The following EML6 variants were observed in gnomAD, a reference collection of about 807,000 sequenced individuals.
The protein encoded by EML6 is EMAP like 6.
A neutral mutation model predicts 240.1 loss-of-function variants in EML6; 154 were observed. The ratio of observed to expected loss-of-function variants is 0.64; its 90% confidence interval spans 0.56 to 0.73. EML6 has a LOEUF of 0.73. Ranked by LOEUF, EML6 falls within the 30% of genes least tolerant of loss-of-function variation. The pLI, the probability that EML6 is intolerant of heterozygous loss-of-function variation, is 0.00. For missense variants in EML6, 2,964 were observed against 2,474.6 expected (o/e 1.20, Z -4.20); for synonymous variants, 1,148 against 899.0 (o/e 1.28, Z -4.95).
At position 54,885,970 on chromosome 2, in the gene EML6, C is replaced by T. The variant is rs544815594; in HGVS notation, c.2439-5084C>T. On this transcript the variant is annotated intron_variant, in intron 17 of 41. Coordinates refer to ENST00000356458, the MANE Select transcript of EML6 (RefSeq NM_001039753.4). ...ATTCCATCTCTTCCTTGCCTCTCAT[C>T]GTAGGGTTCACATTCATGTAGCCAT... Among the ~76,000 whole-genome samples the T allele has an allele frequency of 7.5e-4, 114 of 152,120 alleles. No homozygotes were observed. In the Middle Eastern group the frequency reaches 0.017, roughly 23 times the overall value.
chr2:54,786,720 A>G (rs1669115365), intron 2 of EML6, among the ~76,000 whole-genome samples: 1 of 152,232 alleles, frequency 6.6e-6, no homozygotes. Context: ...AATAATTCCC[A>G]GATGCTCGAG....
chr2:54,760,306 G>C (rs1572865823), intron 2 of EML6, among the ~76,000 whole-genome samples: 2 of 151,398 alleles, frequency 1.3e-5, no homozygotes, highest in African/African-American at 4.9e-5. Flanking sequence ...CTATGAGTTT[G>C]GTATATATTT....
intron 36 of EML6, 106 bp downstream of exon 36, chr2:54,962,817 G>A (rs374329750): frequency 1.2e-6 from 1 of 869,222 alleles, no homozygotes; most frequent in Non-Finnish European, 1.6e-6. Context: ...ACGGGGATGG[G>A]GCCAGGTAGG....
chr2:54,895,589 T>G (rs749611281), intron 21 of EML6, among the ~76,000 whole-genome samples, 189 bp downstream of exon 21: 6 of 152,260 alleles, frequency 3.9e-5, no homozygotes, highest in Non-Finnish European at 8.8e-5. Flanking sequence ...CACACATTTA[T>G]TTTCTCACAG....
chr2:54,817,306 C>T (rs1005392641), intron 4 of EML6, among the ~76,000 whole-genome samples: 1 of 152,186 alleles, frequency 6.6e-6, no homozygotes, highest in African/African-American at 2.4e-5. Flanking sequence ...TATTTGAGAA[C>T]ATAGAATGTG....
chr2:54,782,258 C>T (rs1668886888), intron 2 of EML6, among the ~76,000 whole-genome samples: 2 of 152,010 alleles, frequency 1.3e-5, no homozygotes, highest in East Asian at 1.9e-4. Flanking sequence ...TGATATTTCC[C>T]TAATAGTAAA....
intron 22 of EML6, among the ~76,000 whole-genome samples, chr2:54,902,778 T>A (rs1673127404): frequency 6.6e-6 from 1 of 152,214 alleles, no homozygotes; most frequent in Non-Finnish European, 1.5e-5. Context: ...CTACGGAATG[T>A]GGCCCAGACT....
chr2:54,960,617 C>T (rs776886821), intron 35 of EML6, among the ~76,000 whole-genome samples: 16 of 152,110 alleles, frequency 1.1e-4, no homozygotes, highest in Non-Finnish European at 1.2e-4. Flanking sequence ...TGCCTTTCAT[C>T]TTACCTGGCA....
intron 24 of EML6, among the ~76,000 whole-genome samples, chr2:54,906,830 C>T (rs1300925903): frequency 6.6e-6 from 1 of 152,218 alleles, no homozygotes; most frequent in African/African-American, 2.4e-5. Context: ...GCCATGCTGC[C>T]TCAAGACCAG....
In EML6 at chr2:54,871,510, A is replaced by G. The variant is rs750274165; in HGVS notation, c.2249A>G (p.Asp750Gly). 2 of 1,551,156 alleles carry G rather than the reference A, an allele frequency of 1.3e-6. No homozygotes were observed. Among genetic ancestry groups the G allele is most frequent in the South Asian group, 1.2e-5 (1 of 84,044 alleles). ...DYVATGQVGR[D>G]AAIHVWDTQT... ...ATTCTGTTATTTAAGGTTGGAAGAG[A>G]TGCTGCTATTCATGTGTGGGACACA... The change falls in exon 16 of 42, where the codon GAT (aspartate) becomes GGT (glycine). Residue 750 changes from aspartate to glycine, a missense_variant. By Grantham distance (94) the Asp-to-Gly change is moderately conservative. Coordinates refer to ENST00000356458, the MANE Select transcript of EML6 (RefSeq NM_001039753.4).
chr2:54,894,151 C>A (rs1672633615), intron 19 of EML6, among the ~76,000 whole-genome samples: 2 of 149,848 alleles, frequency 1.3e-5, no homozygotes, highest in African/African-American at 4.9e-5. Context: ...CATAAAAATG[C>A]ATTAAATTAA....
At chr2:54,834,542 C>T (rs556356989) in intron 7 of EML6, among the ~76,000 whole-genome samples, 3 of 152,184 alleles carry the variant, frequency 2.0e-5, no homozygotes, top group East Asian at 1.9e-4. Flanking sequence ...GTGCCAGATA[C>T]GTGCCTAGGA....
At chr2:54,878,684 G>C (rs1391812388) in intron 16 of EML6, among the ~76,000 whole-genome samples, 1 of 152,128 alleles carries the variant, frequency 6.6e-6, no homozygotes, top group East Asian at 1.9e-4. Context: ...AAGCAGACAA[G>C]CGATGTGAAA....
rs929698985 is a variant in EML6, at chr2:54,960,392, C to A, written c.4968+58C>A. On this transcript the variant is annotated intron_variant, in intron 35 of 41. Transcript: ENST00000356458. ...CAGGGAAGGGGGAAGTGTAGGTACC[C>A]TCCCAGCCGGCACTTTCTCTGGGCT... 3.9e-5 allele frequency: 51 copies of A among 1,295,022 alleles called. 2 individuals are homozygous for A. The South Asian group carries it at 6.1e-4, about 15-fold the overall frequency. 80.2% of individuals were successfully genotyped at this position (1,295,022 alleles called of 1,614,324 possible). A position where few individuals can be genotyped will look rare whatever the true frequency, so the allele number is the denominator to read the frequency against.
chr2:54,821,685 TAAA>T (rs1174202552), intron 5 of EML6, among the ~76,000 whole-genome samples: 2 of 151,890 alleles, frequency 1.3e-5, no homozygotes, highest in Non-Finnish European at 2.9e-5. Flanking sequence ...TACAAAGAAA[TAAA>T]AAAAGCTGAA....
chr2:54,782,214 T>C lies in EML6; in HGVS notation c.198-31018T>C, dbSNP rs372319345. ...TGTACGTATGTTAAATTTTACTTCA[T>C]TGTTAATCTTCTTTGTTGATTAGTT... On this transcript the variant is annotated intron_variant, in intron 2 of 41. Transcript: ENST00000356458. Among the ~76,000 whole-genome samples, 168 of 152,354 alleles carry C rather than the reference T, an allele frequency of 1.1e-3. 6 individuals are homozygous for C. The South Asian group carries it at 0.032, about 29-fold the overall frequency.
At chr2:54,952,451 G>C in intron 30 of EML6, 143 bp from the exon 31 acceptor site, 1 of 574,304 alleles carries the variant, frequency 1.7e-6, no homozygotes, top group Non-Finnish European at 3.1e-6. Flanking sequence ...ATCTCCCCAA[G>C]TGTGATTCTG....
At chr2:54,902,089 C>T (rs531472699) in intron 22 of EML6, among the ~76,000 whole-genome samples, 9 of 152,202 alleles carry the variant, frequency 5.9e-5, no homozygotes, top group South Asian at 2.1e-4. Flanking sequence ...CATTACAATC[C>T]GTGGATCAGA....
chr2:54,928,303 G>A lies in EML6; in HGVS notation c.3676-10G>A. 1 of 1,551,030 alleles carries A rather than the reference G, an allele frequency of 6.4e-7. No homozygotes were observed. Among genetic ancestry groups the A allele is most frequent in the East Asian group, 2.4e-5 (1 of 40,908 alleles). ...GTGGCTGGGGTAATAACCAATTTCG[G>A]GCTTTACAGGGACAGCACGCAAGAT... On this transcript the variant is annotated splice_polypyrimidine_tract_variant and intron_variant, in intron 26 of 41. Transcript: ENST00000356458.
Sources: gnomAD v4.1 joint callset for allele counts (sites outside exome capture counted in the v4.1 genomes callset) on GRCh38, gnomAD v4.1.1 for gene constraint, MANE v1.5 for transcripts, NCBI Gene and HGNC (gene_info 2026-07-23, HGNC 2026-07-21) for gene names.